Variants in SERPINI2 observed in about 807,000 individuals in gnomAD.
The protein encoded by SERPINI2 is serpin family I member 2.
A neutral mutation model predicts 47.3 loss-of-function variants in SERPINI2; 48 were observed. The ratio of observed to expected loss-of-function variants is 1.02; its 90% CI spans 0.81 to 1.29. The LOEUF is 1.29. SERPINI2 is among the 50% of genes most tolerant of loss of function. The pLI, the probability that SERPINI2 is intolerant of heterozygous loss-of-function variation, is 0.00. For missense variants in SERPINI2, 448 were observed against 456.9 expected, an observed-to-expected ratio of 0.98 and a Z score of 0.18; for synonymous variants, 135 against 149.3, an observed-to-expected ratio of 0.90 and a Z score of 0.70.
At chr3:167,456,853 A>T (rs1033863639) in intron 5 of SERPINI2, among the ~76,000 whole-genome samples, 2 of 152,234 alleles carry the variant, frequency 1.3e-5, no homozygotes, top group Admixed American at 6.5e-5. Context: ...GAGTAATAAT[A>T]CAAATAATAT....
intron 2 of SERPINI2, among the ~76,000 whole-genome samples, chr3:167,468,850 A>G (rs1363531200): frequency 6.6e-6 from 1 of 152,230 alleles, no homozygotes; most frequent in Non-Finnish European, 1.5e-5. Context: ...AGAATTAATT[A>G]AGGTCAGAAA....
chr3:167,453,572 A>G (rs958516088), intron 5 of SERPINI2, among the ~76,000 whole-genome samples: 12 of 151,386 alleles, frequency 7.9e-5, no homozygotes, highest in Non-Finnish European at 1.6e-4. Context: ...CAGGCCTAAT[A>G]TCTTTTAAAT....
At chr3:167,455,004 C>T (rs911407378) in intron 5 of SERPINI2, among the ~76,000 whole-genome samples, 1 of 152,170 alleles carries the variant, frequency 6.6e-6, no homozygotes, top group Non-Finnish European at 1.5e-5. Context: ...GAAGTCAAAG[C>T]TAATGTGCTA....
chr3:167,446,292 G>A (rs1456358246), intron 8 of SERPINI2, 100 bp downstream of exon 8: 3 of 729,410 alleles, frequency 4.1e-6, no homozygotes, highest in Admixed American at 2.8e-5. Flanking sequence ...AATATCCACT[G>A]AAAGAACAAA....
In SERPINI2 at chr3:167,470,550, C is replaced by CTTTTTTTTTTTTTTTTTTTT. The variant is rs536884425; in HGVS notation, c.247+1018_247+1037dup. On this transcript the variant is annotated intron_variant, in intron 2 of 8. Transcript: ENST00000264677. ...AGATAGCTGAGGAGATGAGCAACAACTTTTTTTTTTTTTTTTTTTTTTTTT... is the reference window on the plus strand; with the variant it reads ...AGATAGCTGAGGAGATGAGCAACAACTTTTTTTTTTTTTTTTTTTTTTTTTTTTTTTTTTTTTTTTTTTTT... Among the ~76,000 whole-genome samples, 11 of 93,048 alleles carry CTTTTTTTTTTTTTTTTTTTT rather than the reference C, an allele frequency of 1.2e-4. 2 individuals carry two copies. Among genetic ancestry groups the CTTTTTTTTTTTTTTTTTTTT allele is most frequent in the African/African-American group, 6.2e-4 (11 of 17,620 alleles). The allele number at this position is 93,048 out of a possible 152,430, so 61.0% of individuals were successfully genotyped here.
chr3:167,458,766 G>A (rs6794768), intron 5 of SERPINI2, among the ~76,000 whole-genome samples: 20,051 of 152,152 alleles, frequency 0.13, 1,535 homozygotes, highest in African/African-American at 0.22. Flanking sequence ...CACGAGAGCT[G>A]ATCCTTCTCT....
chr3:167,463,091 G>C (rs1453442335), intron 5 of SERPINI2, among the ~76,000 whole-genome samples: 1 of 151,578 alleles, frequency 6.6e-6, no homozygotes, highest in South Asian at 2.1e-4. Flanking sequence ...ACTCTCCTGA[G>C]ACCCCACTGG....
At chr3:167,466,045 T>C (rs527738823) in intron 3 of SERPINI2, among the ~76,000 whole-genome samples, 1 of 152,292 alleles carries the variant, frequency 6.6e-6, no homozygotes, top group African/African-American at 2.4e-5. Flanking sequence ...ATGTCAGTCA[T>C]CATAAGTAAG....
chr3:167,465,430 C>T (rs1750104124), intron 4 of SERPINI2, 32 bp from the exon 5 acceptor site: 1 of 1,603,306 alleles, frequency 6.2e-7, no homozygotes, highest in Non-Finnish European at 8.5e-7. Context: ...ATCAAATATA[C>T]TTGGCAATTC....
intron 5 of SERPINI2, among the ~76,000 whole-genome samples, chr3:167,458,139 A>G (rs1247519541): frequency 1.3e-5 from 2 of 151,284 alleles, no homozygotes; most frequent in East Asian, 1.9e-4. Context: ...TTTGTTTACA[A>G]TTCATTTCCT....
upstream of SERPINI2, among the ~76,000 whole-genome samples, chr3:167,475,675 T>G (rs1286314516): frequency 6.7e-6 from 1 of 149,944 alleles, no homozygotes; most frequent in African/African-American, 2.4e-5. Flanking sequence ...TTTTAAAATA[T>G]TTTCCCAAAC....
chr3:167,471,118 CTAAG>C (rs1014430449), intron 2 of SERPINI2, among the ~76,000 whole-genome samples: 60 of 152,004 alleles, frequency 3.9e-4, no homozygotes, highest in Admixed American at 9.2e-4. Flanking sequence ...TGAAGAAAGG[CTAAG>C]TAAGTAATGG....
At chr3:167,445,755 CA>C (rs1454207531) in intron 8 of SERPINI2, among the ~76,000 whole-genome samples, 1 of 152,198 alleles carries the variant, frequency 6.6e-6, no homozygotes, top group Non-Finnish European at 1.5e-5. Flanking sequence ...CTCTTACTCA[CA>C]AGAGAAAGTG....
chr3:167,474,015 T>C, exon 1 of SERPINI2: 1 of 1,111,172 alleles, frequency 9.0e-7, no homozygotes, highest in Middle Eastern at 4.0e-4. Context: ...CAAACTGACT[T>C]CTGATTATTC....
chr3:167,452,828 C>A (rs1056113192), intron 6 of SERPINI2, 108 bp downstream of exon 6: 2 of 611,826 alleles, frequency 3.3e-6, no homozygotes, highest in African/African-American at 3.8e-5. Context: ...ATTCACTGTG[C>A]GTATATTTAT....
At chr3:167,453,658 G>C (rs1156655982) in intron 5 of SERPINI2, among the ~76,000 whole-genome samples, 4 of 147,062 alleles carry the variant, frequency 2.7e-5, no homozygotes, top group Non-Finnish European at 4.4e-5. Flanking sequence ...TACAGGAGTG[G>C]GGGGGGGTGG....
At chr3:167,459,055 T>C (rs552179890) in intron 5 of SERPINI2, among the ~76,000 whole-genome samples, 1 of 151,958 alleles carries the variant, frequency 6.6e-6, no homozygotes, top group East Asian at 1.9e-4. Flanking sequence ...TTTAGATTCT[T>C]CAACCAAAGG....
chr3:167,459,113 C>A (rs1415936545), intron 5 of SERPINI2, among the ~76,000 whole-genome samples: 1 of 144,274 alleles, frequency 6.9e-6, no homozygotes, highest in East Asian at 2.0e-4. Context: ...CTCGCTCTGT[C>A]GCCCAGGCTG....
At chr3:167,461,874 C>T (rs988152603) in intron 5 of SERPINI2, among the ~76,000 whole-genome samples, 3 of 150,006 alleles carry the variant, frequency 2.0e-5, no homozygotes, top group African/African-American at 7.5e-5. Flanking sequence ...CCTGCCTTGG[C>T]CCCCCAAAGT....
Sources: gnomAD v4.1 joint callset for allele counts (sites outside exome capture counted in the v4.1 genomes callset) on GRCh38, gnomAD v4.1.1 for gene constraint, MANE v1.5 for transcripts, NCBI Gene and HGNC (gene_info 2026-07-23, HGNC 2026-07-21) for gene names.